EYS: variants seen among roughly 807,000 people sequenced by gnomAD.
EYS encodes protein eyes shut homolog.
In EYS, 250 loss-of-function variants were observed where a neutral mutation model predicts 282.1. That is an observed-to-expected ratio of 0.89 (90% CI 0.80 to 0.98). The LOEUF (loss-of-function observed/expected upper bound fraction) is 0.98, where lower values mean the gene tolerates loss of function less well. EYS is among the 50% of genes least tolerant of loss of function. The pLI is 0.00. For missense variants in EYS, 4,016 were observed against 3,709.0 expected (o/e 1.08, Z -2.15); for synonymous variants, 1,355 against 1,282.9 (o/e 1.06, Z -1.20).
At chr6:64,381,444 ATAATGGGGATATTTGT>A in intron 29 of EYS, among the ~76,000 whole-genome samples, 1 of 152,306 alleles carries the variant, frequency 6.6e-6, no homozygotes, top group South Asian at 2.1e-4. Context: ...GGAAATTTAT[ATAATGGGGATATTTGT>A]TTATGACTTT....
chr6:64,355,529 T>C (rs887241726), intron 29 of EYS, among the ~76,000 whole-genome samples: 2 of 151,628 alleles, frequency 1.3e-5, no homozygotes, highest in Admixed American at 6.6e-5. Context: ...AATACTCCAA[T>C]ACTAACTGTT....
intron 5 of EYS, among the ~76,000 whole-genome samples, chr6:65,434,394 C>T (rs1767990792): frequency 6.6e-6 from 1 of 151,382 alleles, no homozygotes; most frequent in African/African-American, 2.4e-5. Flanking sequence ...AATCTCGGCT[C>T]ACTGCAAGCT....
chr6:64,824,547 C>A (rs993143591), intron 19 of EYS, among the ~76,000 whole-genome samples: 1 of 151,778 alleles, frequency 6.6e-6, no homozygotes, highest in East Asian at 1.9e-4. Context: ...AAGACACCAC[C>A]ATTCTAACTA....
chr6:64,525,234 T>C (rs1330533368), intron 26 of EYS, among the ~76,000 whole-genome samples: 2 of 151,784 alleles, frequency 1.3e-5, no homozygotes, highest in Non-Finnish European at 2.9e-5. Context: ...CAAATGTTCA[T>C]TGCAGCACTA....
intron 26 of EYS, among the ~76,000 whole-genome samples, chr6:64,538,844 T>G (rs986302482): frequency 1.3e-5 from 2 of 152,208 alleles, no homozygotes; most frequent in African/African-American, 4.8e-5. Flanking sequence ...GAACTAGGAT[T>G]ATAAAACAGA....
chr6:64,874,985 A>G (rs1410739118), intron 19 of EYS, among the ~76,000 whole-genome samples: 2 of 152,086 alleles, frequency 1.3e-5, no homozygotes, highest in South Asian at 2.1e-4. Context: ...TCCAAATGCA[A>G]CTGAAATCAG....
At chr6:64,666,355 A>G (rs879696013) in intron 22 of EYS, among the ~76,000 whole-genome samples, 3 of 152,210 alleles carry the variant, frequency 2.0e-5, no homozygotes, top group Non-Finnish European at 2.9e-5. Flanking sequence ...AAATTGCTCT[A>G]ACAAAAATCA....
chr6:65,030,883 C>A (rs1772580695), intron 13 of EYS, among the ~76,000 whole-genome samples: 1 of 152,112 alleles, frequency 6.6e-6, no homozygotes, highest in African/African-American at 2.4e-5. Context: ...TAAGACCCAA[C>A]TGTATGCTGT....
At chr6:64,837,193 A>G (rs747534439) in intron 19 of EYS, among the ~76,000 whole-genome samples, 33 of 113,378 alleles carry the variant, frequency 2.9e-4, no homozygotes, top group Middle Eastern at 4.0e-3. Flanking sequence ...TCCATTTTTT[A>G]TCTTGTACAT....
intron 19 of EYS, among the ~76,000 whole-genome samples, chr6:64,868,896 C>T (rs1238755770): frequency 6.6e-6 from 1 of 151,460 alleles, no homozygotes; most frequent in Non-Finnish European, 1.5e-5. Flanking sequence ...ACTTTTTAAG[C>T]TCAGTGTTCT....
intron 15 of EYS, among the ~76,000 whole-genome samples, chr6:64,920,901 C>T (rs761619389): frequency 6.6e-6 from 1 of 152,052 alleles, no homozygotes; most frequent in Non-Finnish European, 1.5e-5. Context: ...ATTCATAAAT[C>T]TTCAGCATGT....
At chr6:64,474,198 C>T (rs569773584) in intron 26 of EYS, among the ~76,000 whole-genome samples, 81 of 152,196 alleles carry the variant, frequency 5.3e-4, no homozygotes, top group Admixed American at 1.7e-3. Flanking sequence ...CTATAATAAA[C>T]TTATTTTTGT....
chr6:65,374,304 C>A (rs574763850), intron 8 of EYS, among the ~76,000 whole-genome samples: 6 of 152,106 alleles, frequency 3.9e-5, no homozygotes, highest in Non-Finnish European at 7.4e-5. Flanking sequence ...GGTCAGGGAC[C>A]TCCCTACCCT....
At chr6:65,530,787 G>T (rs796118538) in intron 2 of EYS, among the ~76,000 whole-genome samples, 7 of 152,248 alleles carry the variant, frequency 4.6e-5, no homozygotes, top group African/African-American at 1.7e-4. Flanking sequence ...CATGTATGTA[G>T]AGTGTTTAGG....
intron 30 of EYS, among the ~76,000 whole-genome samples, chr6:64,299,460 C>T (rs766909502): frequency 6.6e-6 from 1 of 152,116 alleles, no homozygotes; most frequent in South Asian, 2.1e-4. Context: ...TGGGTCAGAC[C>T]CCAGCAGGTG....
chr6:64,824,770 T>C (rs1200244808), intron 19 of EYS, among the ~76,000 whole-genome samples: 1 of 151,912 alleles, frequency 6.6e-6, no homozygotes. Flanking sequence ...TTTTGAAATG[T>C]TCTCTCCATA....
chr6:64,977,705 C>T (rs913228495), intron 14 of EYS, among the ~76,000 whole-genome samples: 1 of 150,258 alleles, frequency 6.7e-6, no homozygotes, highest in African/African-American at 2.4e-5. Context: ...ATTTAAATTG[C>T]CCCTCCAGTG....
intron 22 of EYS, among the ~76,000 whole-genome samples, chr6:64,809,683 G>A (rs1382398613): frequency 4.6e-5 from 7 of 151,948 alleles, no homozygotes; most frequent in African/African-American, 1.7e-4. Context: ...AAACATGAGT[G>A]GAGCTGGAAG....
intron 12 of EYS, among the ~76,000 whole-genome samples, chr6:65,273,931 G>A (rs1243908218): frequency 6.6e-6 from 1 of 152,094 alleles, no homozygotes; most frequent in African/African-American, 2.4e-5. Flanking sequence ...GACCTTTTAA[G>A]GACTACTGGA....
Sources: allele counts gnomAD v4.1 joint callset (sites outside exome capture counted in the v4.1 genomes callset), GRCh38; gene constraint gnomAD v4.1.1; transcripts MANE v1.5; gene names NCBI Gene and HGNC (gene_info 2026-07-23, HGNC 2026-07-21).